RCAN2: variants seen among roughly 807,000 people sequenced by gnomAD.
RCAN2 encodes the protein calcipressin-2.
In RCAN2, 9 loss-of-function variants were observed where a neutral mutation model predicts 23.6. That is an observed-to-expected ratio of 0.38 (90% confidence interval 0.23 to 0.67). The LOEUF is 0.67. Ranked by LOEUF, RCAN2 falls within the 30% of genes least tolerant of loss-of-function variation. The pLI, the probability that RCAN2 is intolerant of heterozygous loss-of-function variation, is 0.51. For missense variants in RCAN2, 273 were observed against 302.3 expected, an observed-to-expected ratio of 0.90 and a Z score of 0.72; for synonymous variants, 109 against 115.7, an observed-to-expected ratio of 0.94 and a Z score of 0.37.
intron 2 of RCAN2, among the ~76,000 whole-genome samples, chr6:46,271,354 T>A (rs1007190324): frequency 2.0e-5 from 3 of 152,170 alleles, no homozygotes; most frequent in African/African-American, 7.2e-5. Context: ...TTTGTTCTAT[T>A]AAGGCCTTCA....
intron 2 of RCAN2, among the ~76,000 whole-genome samples, chr6:46,331,103 A>G (rs145616655): frequency 2.6e-5 from 4 of 152,308 alleles, no homozygotes; most frequent in Non-Finnish European, 5.9e-5. Context: ...ATTAAGAGGA[A>G]CTACTTCTCA....
intron 2 of RCAN2, among the ~76,000 whole-genome samples, chr6:46,254,075 G>A (rs1431851260): frequency 6.6e-6 from 1 of 152,176 alleles, no homozygotes; most frequent in Non-Finnish European, 1.5e-5. Context: ...ACAATTTGGT[G>A]GCACTGCACT....
chr6:46,407,733 A>G (rs1481343009), intron 2 of RCAN2, among the ~76,000 whole-genome samples: 2 of 152,234 alleles, frequency 1.3e-5, no homozygotes, highest in East Asian at 3.8e-4. Context: ...ATATGTACTT[A>G]GGTGATTTTA....
intron 2 of RCAN2, among the ~76,000 whole-genome samples, chr6:46,392,080 T>C (rs1479313460): frequency 6.6e-6 from 1 of 152,212 alleles, no homozygotes; most frequent in Non-Finnish European, 1.5e-5. Context: ...AATTACAAGC[T>C]TAATAGGCAA....
intron 2 of RCAN2, among the ~76,000 whole-genome samples, chr6:46,402,824 C>T (rs1766290471): frequency 6.6e-6 from 1 of 152,196 alleles, no homozygotes; most frequent in African/African-American, 2.4e-5. Flanking sequence ...ATTCTGAAGG[C>T]TCCTGTGTAT....
intron 2 of RCAN2, among the ~76,000 whole-genome samples, chr6:46,374,168 T>C (rs1765399733): frequency 6.6e-6 from 1 of 152,236 alleles, no homozygotes; most frequent in African/African-American, 2.4e-5. Flanking sequence ...TTATTGGTTA[T>C]GTGAATACTC....
chr6:46,325,903 G>T, intron 2 of RCAN2: 1 of 984,774 alleles, frequency 1.0e-6, no homozygotes. Flanking sequence ...GCAGGAGGGG[G>T]TGAATCTGAC....
At chr6:46,330,393 C>G (rs1442154721) in intron 2 of RCAN2, among the ~76,000 whole-genome samples, 2 of 152,208 alleles carry the variant, frequency 1.3e-5, no homozygotes, top group African/African-American at 2.4e-5. Flanking sequence ...CACTTCCATA[C>G]TCACTCCAGA....
chr6:46,274,607 C>A (rs1168662940), intron 2 of RCAN2, among the ~76,000 whole-genome samples: 2 of 152,160 alleles, frequency 1.3e-5, no homozygotes, highest in Non-Finnish European at 2.9e-5. Flanking sequence ...GTTGAGAAAT[C>A]TGAAACAGAC....
At chr6:46,248,530 G>A (rs1407371460) in intron 3 of RCAN2, among the ~76,000 whole-genome samples, 193 bp downstream of exon 3, 1 of 151,998 alleles carries the variant, frequency 6.6e-6, no homozygotes, top group African/African-American at 2.4e-5. Context: ...TGCTCTGGTA[G>A]GCAGCTCTCA....
intron 2 of RCAN2, among the ~76,000 whole-genome samples, chr6:46,430,502 G>A (rs1016248952): frequency 3.9e-5 from 6 of 152,114 alleles, no homozygotes; most frequent in African/African-American, 1.2e-4. Flanking sequence ...TGTACAGGTG[G>A]CAATTAAAGG....
At chr6:46,397,446 T>A (rs1446576849) in intron 2 of RCAN2, among the ~76,000 whole-genome samples, 1 of 151,926 alleles carries the variant, frequency 6.6e-6, no homozygotes, top group Non-Finnish European at 1.5e-5. Flanking sequence ...GAGTAAGGTC[T>A]GAAGTCTAGT....
intron 1 of RCAN2, among the ~76,000 whole-genome samples, chr6:46,482,418 G>A (rs1483590544): frequency 6.6e-6 from 1 of 152,128 alleles, no homozygotes; most frequent in Non-Finnish European, 1.5e-5. Flanking sequence ...CCTAAACAGT[G>A]AAAGGGAGGA....
At chr6:46,281,672 T>A (rs912390071) in intron 2 of RCAN2, among the ~76,000 whole-genome samples, 1 of 152,204 alleles carries the variant, frequency 6.6e-6, no homozygotes, top group Non-Finnish European at 1.5e-5. Flanking sequence ...CATTTTTCTC[T>A]TATTTTGTTA....
intron 1 of RCAN2, among the ~76,000 whole-genome samples, chr6:46,457,625 T>C (rs139079039): frequency 5.1e-4 from 77 of 152,266 alleles, no homozygotes; most frequent in African/African-American, 1.8e-3. Flanking sequence ...TAACAGGTAA[T>C]AGTTCATCCT....
rs1462959870 is a variant in RCAN2, at chr6:46,326,686, T to A, written c.226-77790A>T. On this transcript the variant is annotated intron_variant, in intron 2 of 4. Coordinates refer to ENST00000371374, the MANE Select transcript of RCAN2 (RefSeq NM_001251974.2). ...AGAACTCACTAACATTGTAGCAGTA[T>A]CTATCCTTAAGAGTTCAGTTGTATC... Among the ~76,000 whole-genome samples, 6 of 152,350 alleles carry A rather than the reference T, an allele frequency of 3.9e-5. No individual in the cohort carries two copies. In the East Asian group the frequency reaches 1.2e-3, roughly 29 times the overall value.
intron 2 of RCAN2, among the ~76,000 whole-genome samples, chr6:46,386,481 G>T (rs1405099239): frequency 6.6e-6 from 1 of 151,454 alleles, no homozygotes; most frequent in African/African-American, 2.4e-5. Context: ...GGTGGTGTGT[G>T]CTTGTAATCC....
At chr6:46,355,758 G>A (rs1276394806) in intron 2 of RCAN2, among the ~76,000 whole-genome samples, 2 of 152,206 alleles carry the variant, frequency 1.3e-5, no homozygotes, top group Non-Finnish European at 2.9e-5. Flanking sequence ...ATGAAATGGT[G>A]TAGAACAAAA....
At chr6:46,247,854 A>G (rs1168452289) in intron 3 of RCAN2, among the ~76,000 whole-genome samples, 1 of 152,202 alleles carries the variant, frequency 6.6e-6, no homozygotes, top group Non-Finnish European at 1.5e-5. Context: ...TTAAATACCT[A>G]GGAGTCGAAT....
Sources: gnomAD v4.1 joint callset for allele counts (sites outside exome capture counted in the v4.1 genomes callset) on GRCh38, gnomAD v4.1.1 for gene constraint, MANE v1.5 for transcripts, NCBI Gene and HGNC (gene_info 2026-07-23, HGNC 2026-07-21) for gene names.